The following PDE7B variants were observed in gnomAD, a reference collection of about 807,000 sequenced individuals.
PDE7B encodes the protein phosphodiesterase 7B.
PDE7B carries 29 observed loss-of-function variants against 56.2 expected under a neutral mutation model. The observed-to-expected ratio is 0.52, with a 90% confidence interval of 0.38 to 0.70. The LOEUF (loss-of-function observed/expected upper bound fraction) is 0.70, where lower values mean the gene tolerates loss of function less well. PDE7B is among the 30% of genes least tolerant of loss of function. The pLI is 0.00. For synonymous variants in PDE7B, 197 were observed against 196.9 expected, an observed-to-expected ratio of 1.00 and a Z score of 0.00; for missense variants, 490 against 565.0, an observed-to-expected ratio of 0.87 and a Z score of 1.35.
chr6:136,088,546 G>A (rs1323147596), intron 2 of PDE7B, among the ~76,000 whole-genome samples: 1 of 152,100 alleles, frequency 6.6e-6, no homozygotes, highest in Non-Finnish European at 1.5e-5. Context: ...GGCAGAATAG[G>A]ATTAGAAGTC....
In PDE7B at chr6:136,164,357, C is replaced by T. The variant is rs530989774; in HGVS notation, c.711+8599C>T. On this transcript the variant is annotated intron_variant, in intron 8 of 12. Transcript: ENST00000308191. ...CCACCATGATTCAATTACCTCTCAC[C>T]GGGTCCCTCCTGTCACATGTATGGA... Among the ~76,000 whole-genome samples, 16 of 152,214 alleles carry T rather than the reference C, an allele frequency of 1.1e-4. No individual in the cohort carries two copies. In the East Asian group the frequency reaches 2.3e-3, roughly 22 times the overall value.
intron 1 of PDE7B, among the ~76,000 whole-genome samples, chr6:135,904,696 A>G (rs1214065440): frequency 6.6e-6 from 1 of 152,130 alleles, no homozygotes; most frequent in Non-Finnish European, 1.5e-5. Context: ...TAGTCATAGC[A>G]TCGACAAAAT....
chr6:136,002,040 A>G (rs1775678537), intron 2 of PDE7B, among the ~76,000 whole-genome samples: 1 of 152,228 alleles, frequency 6.6e-6, no homozygotes, highest in East Asian at 1.9e-4. Flanking sequence ...AGTGGGGGCC[A>G]ATATTCGATA....
chr6:135,903,313 T>C (rs1776038793), intron 1 of PDE7B, among the ~76,000 whole-genome samples: 1 of 152,208 alleles, frequency 6.6e-6, no homozygotes, highest in South Asian at 2.1e-4. Context: ...AAGGAGGTTA[T>C]CACTTGCTAA....
At chr6:135,918,579 A>G (rs1190739615) in intron 1 of PDE7B, among the ~76,000 whole-genome samples, 1 of 152,182 alleles carries the variant, frequency 6.6e-6, no homozygotes, top group African/African-American at 2.4e-5. Flanking sequence ...TTTGCAAAAG[A>G]CAGCGTATCC....
At chr6:135,985,223 AC>A (rs1478709941) in intron 2 of PDE7B, among the ~76,000 whole-genome samples, 1 of 152,050 alleles carries the variant, frequency 6.6e-6, no homozygotes, top group African/African-American at 2.4e-5. Flanking sequence ...GGGAAAAAAA[AC>A]CCTCCATATA....
chr6:136,098,147 G>GAAAAAAAA (rs1554279576), intron 2 of PDE7B: 16 of 62,936 alleles, frequency 2.5e-4, no homozygotes, highest in African/African-American at 9.2e-4. Flanking sequence ...GGGGGGGGGG[G>GAAAAAAAA]AAATATATGT....
At chr6:135,855,882 A>T (rs1775018032) in intron 1 of PDE7B, among the ~76,000 whole-genome samples, 1 of 151,944 alleles carries the variant, frequency 6.6e-6, no homozygotes, top group African/African-American at 2.4e-5. Flanking sequence ...GAAAACTCTC[A>T]TGGTGGCTCG....
rs117138109 is a variant in PDE7B at position 135,966,405 on chromosome 6, C to A, written c.82+18881C>A. 2.6e-5 allele frequency among the ~76,000 whole-genome samples: 4 copies of A among 152,304 alleles called. No individual in the cohort carries two copies. The East Asian group carries it at 7.7e-4, about 29-fold the overall frequency. ...TAAAAAACAAAGGAAAGAGAAGCCT[C>A]TCCTTTTTCCATGATCTTTAAGGTA... On this transcript the variant is annotated intron_variant, in intron 2 of 12. Coordinates refer to ENST00000308191, the MANE Select transcript of PDE7B (RefSeq NM_018945.4).
chr6:135,968,599 C>T (rs1042337539), intron 2 of PDE7B, among the ~76,000 whole-genome samples: 22 of 152,130 alleles, frequency 1.4e-4, no homozygotes, highest in African/African-American at 5.3e-4. Context: ...AATGAGCTAC[C>T]ATCTCAGAAC....
intron 2 of PDE7B, among the ~76,000 whole-genome samples, chr6:136,067,451 T>C (rs1776961606): frequency 6.6e-6 from 1 of 152,146 alleles, no homozygotes; most frequent in South Asian, 2.1e-4. Flanking sequence ...CAAAGCCCAG[T>C]GTAAATATTT....
intron 2 of PDE7B, among the ~76,000 whole-genome samples, chr6:136,043,662 T>C (rs1012974820): frequency 6.6e-6 from 1 of 151,500 alleles, no homozygotes; most frequent in Non-Finnish European, 1.5e-5. Flanking sequence ...ATTACTGGTG[T>C]TGGTGTTATT....
At chr6:135,885,476 C>T (rs1775690864) in intron 1 of PDE7B, among the ~76,000 whole-genome samples, 1 of 152,172 alleles carries the variant, frequency 6.6e-6, no homozygotes, top group South Asian at 2.1e-4. Context: ...ATCAACATGT[C>T]AGAAAACCAG....
chr6:136,013,632 C>T (rs374430934), intron 2 of PDE7B, among the ~76,000 whole-genome samples: 9 of 152,252 alleles, frequency 5.9e-5, no homozygotes, highest in Non-Finnish European at 8.8e-5. Context: ...ACCTAAGATA[C>T]GTGTAGGAAT....
intron 1 of PDE7B, among the ~76,000 whole-genome samples, chr6:135,906,309 C>A (rs911234504): frequency 6.6e-6 from 1 of 152,168 alleles, no homozygotes. Flanking sequence ...GTTTCAGATT[C>A]TTTACAAAAC....
At chr6:136,096,793 A>G (rs1353520551) in intron 2 of PDE7B, among the ~76,000 whole-genome samples, 2 of 152,128 alleles carry the variant, frequency 1.3e-5, no homozygotes, top group African/African-American at 4.8e-5. Flanking sequence ...AGATCCATTT[A>G]AGTATCAGCT....
rs192939137 is a variant in PDE7B at position 136,082,238 on chromosome 6, G to A, written c.83-26493G>A. Among the ~76,000 whole-genome samples, 9 of 152,290 alleles carry A rather than the reference G, an allele frequency of 5.9e-5. No individual in the cohort carries two copies. The East Asian group carries it at 1.5e-3, about 26-fold the overall frequency. The stretch of plus-strand genomic sequence containing the variant: ...TGCTCATGACCAACCTCTCACCATG[G>A]AGCTGTTGCCTCCTGTTTTTCAGTT... On this transcript the variant is annotated intron_variant, in intron 2 of 12. Coordinates refer to ENST00000308191, the MANE Select transcript of PDE7B (RefSeq NM_018945.4).
chr6:136,138,545 C>T (rs763315645), intron 3 of PDE7B, among the ~76,000 whole-genome samples: 27 of 152,070 alleles, frequency 1.8e-4, no homozygotes, highest in Non-Finnish European at 3.4e-4. Context: ...CGTTCTTCCC[C>T]TTTAGAAAGC....
intron 3 of PDE7B, among the ~76,000 whole-genome samples, chr6:136,131,647 T>C (rs1389804137): frequency 2.0e-5 from 3 of 152,106 alleles, no homozygotes; most frequent in African/African-American, 7.2e-5. Context: ...TCTGTGAATT[T>C]CTTTGTATAA....
Sources: gnomAD v4.1 joint callset for allele counts (sites outside exome capture counted in the v4.1 genomes callset) on GRCh38, gnomAD v4.1.1 for gene constraint, MANE v1.5 for transcripts, NCBI Gene and HGNC (gene_info 2026-07-23, HGNC 2026-07-21) for gene names.